The following ARHGEF10L variants were observed in gnomAD, a reference collection of about 807,000 sequenced individuals.
The protein encoded by ARHGEF10L is rho guanine nucleotide exchange factor 10-like protein.
In ARHGEF10L, 69 loss-of-function variants were observed where a neutral mutation model predicts 141.2. The ratio of observed to expected loss-of-function variants is 0.49; its 90% CI spans 0.40 to 0.60. ARHGEF10L has a LOEUF of 0.60. Ranked by LOEUF, ARHGEF10L falls within the 20% of genes least tolerant of loss-of-function variation. The probability of loss-of-function intolerance (pLI) is 0.00; values close to 1 mark genes in which losing one functional copy is unlikely to be tolerated. For synonymous variants in ARHGEF10L, 711 were observed against 718.5 expected, an observed-to-expected ratio of 0.99 and a Z score of 0.17; for missense variants, 1,482 against 1,734.3, an observed-to-expected ratio of 0.85 and a Z score of 2.58.
At position 17,632,482 on chromosome 1, in the gene ARHGEF10L, T is replaced by A. The variant is rs1021031646; in HGVS notation, c.1730+16T>A. On this transcript the variant is annotated intron_variant, in intron 16 of 28. Transcript: ENST00000361221. ...TCAACTTCAAGTAAGTGGGCCTGGG[T>A]TGGAGGGGGCAATCACCCCTCCCTG... is the stretch of plus-strand genomic sequence containing the variant. 7.4e-6 allele frequency: 12 copies of A among 1,613,760 alleles called. No homozygotes were observed. The Admixed American group carries it at 1.0e-4, about 13-fold the overall frequency.
rs764959711 is a variant in ARHGEF10L, at chr1:17,695,139, C to T, written c.3185-19C>T. 5.6e-6 allele frequency: 9 copies of T among 1,611,996 alleles called. No homozygotes were observed. The highest frequency in any genetic ancestry group is 2.7e-5 in the African/African-American group (2 of 74,932). On this transcript the variant is annotated intron_variant, in intron 27 of 28. Coordinates refer to ENST00000361221, the MANE Select transcript of ARHGEF10L (RefSeq NM_018125.4). ...GTCTCCCCAGGAGGGCACTGCTCAG[C>T]CGCCCTCTCTTTCTGCAGGCCAGAA...
At position 17,639,061 on chromosome 1, in the gene ARHGEF10L, C is replaced by T. The variant is rs889124994; in HGVS notation, c.2171+372C>T. On this transcript the variant is annotated intron_variant, in intron 20 of 28. Transcript: ENST00000361221. The surrounding 1 kb of genome is among the most constrained non-coding windows in gnomAD (Gnocchi z 4.3). ...TTCCTCTCTCTGGACCCAGCCTCCC[C>T]CCAGCACCACCTTAGCCCCAGAATG... 6.6e-6 allele frequency among the ~76,000 whole-genome samples: 1 copy of T among 152,146 alleles called. No individual in the cohort carries two copies. The highest frequency in any genetic ancestry group is 1.5e-5 in the Non-Finnish European group (1 of 68,024).
At chr1:17,556,072 CG>C (rs1434921769) in intron 1 of ARHGEF10L, among the ~76,000 whole-genome samples, 2 of 100,618 alleles carry the variant, frequency 2.0e-5, no homozygotes, top group African/African-American at 7.8e-5. Flanking sequence ...CCTGGGAGCA[CG>C]GGGGTGGGCC....
the ARHGEF10L span, among the ~76,000 whole-genome samples, chr1:17,530,350 G>A: frequency 6.6e-6 from 1 of 152,172 alleles, no homozygotes; most frequent in Non-Finnish European, 1.5e-5. Context: ...GGGACAATGG[G>A]TAAGACATTT....
At chr1:17,553,855 G>T (rs1482665537) in intron 1 of ARHGEF10L, among the ~76,000 whole-genome samples, 1 of 152,120 alleles carries the variant, frequency 6.6e-6, no homozygotes, top group Non-Finnish European at 1.5e-5. Flanking sequence ...GTACCACTGG[G>T]TGCCAGGCAC....
intron 15 of ARHGEF10L, among the ~76,000 whole-genome samples, chr1:17,631,063 G>C (rs146525301): frequency 6.6e-6 from 1 of 151,524 alleles, no homozygotes; most frequent in African/African-American, 2.4e-5. Context: ...AGAGTGATCT[G>C]TCCTTTTCTG....
chr1:17,669,571 G>C (rs1195834344), intron 26 of ARHGEF10L, among the ~76,000 whole-genome samples: 1 of 152,208 alleles, frequency 6.6e-6, no homozygotes, highest in Non-Finnish European at 1.5e-5. Flanking sequence ...TAACCCCTGT[G>C]CTTAACCCAC....
chr1:17,676,809 C>G (rs554986335), intron 26 of ARHGEF10L, among the ~76,000 whole-genome samples: 12 of 151,998 alleles, frequency 7.9e-5, no homozygotes, highest in Admixed American at 3.3e-4. Flanking sequence ...TCTGTTCCCC[C>G]AGGCCTTTGC....
intron 22 of ARHGEF10L, among the ~76,000 whole-genome samples, chr1:17,649,264 G>T (rs1450653903): frequency 1.3e-5 from 2 of 152,210 alleles, no homozygotes; most frequent in African/African-American, 2.4e-5. Flanking sequence ...TTTGAACCTT[G>T]CCCTGCCTGA....
At chr1:17,680,176 G>T (rs961207777) in intron 26 of ARHGEF10L, among the ~76,000 whole-genome samples, 1 of 152,104 alleles carries the variant, frequency 6.6e-6, no homozygotes, top group Admixed American at 6.5e-5. Flanking sequence ...GACGCTGCGC[G>T]CACAGTGCCC....
intron 10 of ARHGEF10L, among the ~76,000 whole-genome samples, chr1:17,620,113 G>T (rs2060026728): frequency 6.6e-6 from 1 of 150,626 alleles, no homozygotes; most frequent in African/African-American, 2.4e-5. Flanking sequence ...TGAGGCAGGA[G>T]AATCACTTGA....
chr1:17,679,733 G>A (rs1440250832), intron 26 of ARHGEF10L, among the ~76,000 whole-genome samples: 1 of 152,218 alleles, frequency 6.6e-6, no homozygotes. Context: ...GTCTGAATTC[G>A]CAGCCCTGCC....
Position 17,656,430 on chromosome 1 carries a change from C to CA in ARHGEF10L, c.2706-123dup. The CA allele has an allele frequency of 8.0e-7, 1 of 1,249,332 alleles. No individual in the cohort carries two copies. The highest frequency in any genetic ancestry group is 1.1e-6 in the Non-Finnish European group (1 of 891,974). 77.4% of individuals were successfully genotyped at this position (1,249,332 alleles called of 1,614,324 possible). A position where few individuals can be genotyped will look rare whatever the true frequency, so the allele number is the denominator to read the frequency against. ...ATGGTGGAGCTATGGCCTGGCCACA[C>CA]AGCCGAAAGGCGTGGCTGAGAGGGG... On this transcript the variant is annotated intron_variant, in intron 24 of 28. Coordinates refer to ENST00000361221, the MANE Select transcript of ARHGEF10L (RefSeq NM_018125.4). The surrounding 1 kb of genome is among the most constrained non-coding windows in gnomAD (Gnocchi z 4.9).
intron 2 of ARHGEF10L, among the ~76,000 whole-genome samples, chr1:17,582,446 T>C (rs116819579): frequency 0.015 from 2,280 of 152,378 alleles, 51 homozygotes; most frequent in African/African-American, 0.053. Flanking sequence ...TCTCATTCTC[T>C]GAGAGCTTCC....
chr1:17,619,395 C>T lies in ARHGEF10L; in HGVS notation c.892C>T (p.Pro298Ser), dbSNP rs2059983316. 1.9e-6 allele frequency: 3 copies of T among 1,612,298 alleles called. No individual in the cohort carries two copies. The highest frequency in any genetic ancestry group is 1.7e-5 in the Admixed American group (1 of 59,914). The change falls in exon 10 of 29, where the codon CCC becomes TCC. Residue 298 changes from proline (P) to serine (S), a missense_variant. Pro to Ser is a moderately conservative substitution (Grantham distance 74, BLOSUM62 -1). Coordinates refer to ENST00000361221, the MANE Select transcript of ARHGEF10L (RefSeq NM_018125.4). This position sits in a 1 kb window ranked among gnomAD's most constrained non-coding sequence, Gnocchi z 5.0. ...LLEVSVSDIK[P>S]PAPELGPMPE... ...GGAGGTCAGCGTTTCGGACATCAAG[C>T]CCCCAGCCCCAGAGCTGGGCCCCAT... is the stretch of plus-strand genomic sequence containing the variant.
intron 15 of ARHGEF10L, among the ~76,000 whole-genome samples, chr1:17,628,754 T>C (rs1042788047): frequency 6.6e-6 from 1 of 152,090 alleles, no homozygotes; most frequent in Non-Finnish European, 1.5e-5. Context: ...CAGCACGGGG[T>C]AGACCTTTCT....
intron 4 of ARHGEF10L, among the ~76,000 whole-genome samples, chr1:17,600,170 G>A (rs1018267140): frequency 6.6e-6 from 1 of 152,234 alleles, no homozygotes; most frequent in African/African-American, 2.4e-5. Context: ...AGGATCCTGT[G>A]TGGTGCTGGG....
intron 1 of ARHGEF10L, among the ~76,000 whole-genome samples, chr1:17,564,748 G>A (rs1364286930): frequency 6.6e-6 from 1 of 152,202 alleles, no homozygotes; most frequent in African/African-American, 2.4e-5. Flanking sequence ...GGAAATTATA[G>A]GAGCTGTAGG....
intron 1 of ARHGEF10L, among the ~76,000 whole-genome samples, chr1:17,563,048 G>A (rs1484769860): frequency 6.6e-6 from 1 of 152,094 alleles, no homozygotes; most frequent in Non-Finnish European, 1.5e-5. Flanking sequence ...GGGAGGGCTG[G>A]ATGCGGGGAG....
Sources: allele counts gnomAD v4.1 joint callset (sites outside exome capture counted in the v4.1 genomes callset), GRCh38; gene constraint gnomAD v4.1.1; non-coding constraint Gnocchi (gnomAD v3.1); transcripts MANE v1.5; gene names NCBI Gene and HGNC (gene_info 2026-07-23, HGNC 2026-07-21).